The following IL16 variants were observed in gnomAD, a reference collection of about 807,000 sequenced individuals.
IL16 encodes pro-interleukin-16.
A neutral mutation model predicts 110.1 loss-of-function variants in IL16; 67 were observed. The observed-to-expected ratio is 0.61, with a 90% confidence interval of 0.50 to 0.75. The LOEUF (loss-of-function observed/expected upper bound fraction) is 0.75. Ranked by LOEUF, IL16 falls within the 30% of genes least tolerant of loss-of-function variation. The pLI is 0.00. For synonymous variants in IL16, 689 were observed against 662.9 expected (o/e 1.04, Z -0.61); for missense variants, 1,545 against 1,655.0 (o/e 0.93, Z 1.15).
intron 2 of IL16, among the ~76,000 whole-genome samples, chr15:81,240,928 C>T (rs1055569442): frequency 6.6e-6 from 1 of 152,008 alleles, no homozygotes; most frequent in Non-Finnish European, 1.5e-5. Context: ...TTCTAAACAT[C>T]TTAGAGTTTT....
intron 2 of IL16, among the ~76,000 whole-genome samples, chr15:81,243,954 G>A (rs1897443109): frequency 6.6e-6 from 1 of 152,000 alleles, no homozygotes; most frequent in African/African-American, 2.4e-5. Context: ...TTGTTTTAAT[G>A]TTGCAGTCTT....
chr15:81,241,639 T>C (rs1897340478), intron 2 of IL16, among the ~76,000 whole-genome samples: 1 of 152,138 alleles, frequency 6.6e-6, no homozygotes, highest in Non-Finnish European at 1.5e-5. Flanking sequence ...TTAAACATTT[T>C]ATTTTGCAAT....
upstream of IL16, among the ~76,000 whole-genome samples, chr15:81,193,127 G>A (rs1356837297): frequency 1.3e-5 from 2 of 152,166 alleles, no homozygotes; most frequent in Non-Finnish European, 1.5e-5. Flanking sequence ...AGACCTGCGA[G>A]ATGAACCCAG....
chr15:81,237,130 G>T (rs1336422719), intron 2 of IL16, among the ~76,000 whole-genome samples: 4 of 152,098 alleles, frequency 2.6e-5, no homozygotes, highest in Admixed American at 2.6e-4. Flanking sequence ...TCTCTGCCTG[G>T]AATATCTTCC....
Position 81,299,795 on chromosome 15 carries a change from G to A in IL16, c.2469G>A (p.Arg823=). The change falls in exon 14 of 19, where the codon AGG becomes AGA. Residue 823 remains arginine (R), a synonymous_variant. Transcript: ENST00000683961. ...CCACCCAGCCAGCACCTGCTTCCAG[G>A]GAGCACCTAGGATCACACATCCGGG... ...ALSTQPAPAS[R]EHLGSHIRAS... 1.2e-6 allele frequency: 2 copies of A among 1,613,988 alleles called. No individual in the cohort carries two copies. The highest frequency in any genetic ancestry group is 8.5e-7 in the Non-Finnish European group (1 of 1,179,966).
intron 14 of IL16, among the ~76,000 whole-genome samples, chr15:81,301,103 G>A (rs1900262771): frequency 2.6e-5 from 4 of 152,178 alleles, no homozygotes; most frequent in Admixed American, 2.6e-4. Context: ...CTGTAGGGCT[G>A]GGGCTTGGTC....
At chr15:81,192,712 T>G (rs994452139), upstream of IL16, among the ~76,000 whole-genome samples, 2 of 152,164 alleles carry the variant, frequency 1.3e-5, no homozygotes, top group African/African-American at 4.8e-5. Context: ...CCTGCTATTA[T>G]GTGAAAAATG....
intron 2 of IL16, among the ~76,000 whole-genome samples, chr15:81,249,066 G>T (rs7174055): frequency 6.6e-6 from 1 of 151,972 alleles, no homozygotes; most frequent in African/African-American, 2.4e-5. Flanking sequence ...AATTTGGCAT[G>T]TATATGAAGG....
intron 6 of IL16, among the ~76,000 whole-genome samples, chr15:81,275,271 G>A (rs79263653): frequency 6.7e-6 from 1 of 149,356 alleles, no homozygotes; most frequent in Non-Finnish European, 1.5e-5. Flanking sequence ...TTCTCTCTCC[G>A]TTCAGGGAGT....
At chr15:81,265,575 A>C in intron 3 of IL16, 84 bp from the exon 4 acceptor site, 1 of 1,474,160 alleles carries the variant, frequency 6.8e-7, no homozygotes, top group Non-Finnish European at 9.3e-7. Flanking sequence ...CCCCTGGCTA[A>C]TGAGGGGCTG....
At position 81,301,389 on chromosome 15, in the gene IL16, G is replaced by C. The variant is rs1231293866; in HGVS notation, c.3195G>C (p.Lys1065Asn). The C allele has an allele frequency of 2.5e-6, 4 of 1,613,820 alleles. No individual in the cohort carries two copies. The highest frequency in any genetic ancestry group is 3.4e-6 in the Non-Finnish European group (4 of 1,179,944). The change falls in exon 15 of 19, where the codon AAG (lysine) becomes AAC (asparagine). Residue 1065 changes from lysine (K) to asparagine (N), a missense_variant. Transcript: ENST00000683961. The part of the protein sequence containing the change: ...REYTEGLTEA[K>N]EDDDGDHSSL... ...ATACAGAGGGTCTCACGGAAGCCAA[G>C]GAAGACGATGATGGGGACCACAGTT...
intron 10 of IL16, among the ~76,000 whole-genome samples, chr15:81,287,773 G>A (rs551583036): frequency 6.6e-6 from 1 of 152,172 alleles, no homozygotes; most frequent in Non-Finnish European, 1.5e-5. Context: ...ATATATAATG[G>A]TGTGGTGGAA....
intron 2 of IL16, among the ~76,000 whole-genome samples, chr15:81,257,177 T>G (rs1272534014): frequency 6.6e-6 from 1 of 152,246 alleles, no homozygotes; most frequent in Admixed American, 6.5e-5. Context: ...CACCATCTGC[T>G]GCTGAAAAGG....
At chr15:81,199,025 A>AT in intron 1 of IL16, among the ~76,000 whole-genome samples, 1 of 93,788 alleles carries the variant, frequency 1.1e-5, no homozygotes, top group Non-Finnish European at 1.9e-5. Flanking sequence ...ATCTCAAAAA[A>AT]AAAAAATATA....
chr15:81,210,631 TTTGACAC>T (rs1298448484), intron 1 of IL16, among the ~76,000 whole-genome samples: 1 of 152,224 alleles, frequency 6.6e-6, no homozygotes, highest in African/African-American at 2.4e-5. Flanking sequence ...GTGTTCTTGA[TTTGACAC>T]TCAGCCTGGA....
chr15:81,299,895 A>C lies in IL16; in HGVS notation c.2569A>C (p.Lys857Gln). The C allele has an allele frequency of 6.2e-7, 1 of 1,613,586 alleles. No homozygotes were observed. ...CTTTGGCTCCTCTCAACTGCCTGAC[A>C]AAGGAGCCCAGAGACTGAGCCTCCA... ...ETFGSSQLPD[K>Q]GAQRLSLQPS... The change falls in exon 14 of 19, where the codon AAA (lysine) becomes CAA (glutamine). Residue 857 changes from lysine (K) to glutamine (Q), a missense_variant. Physicochemically the swap from Lys to Gln is moderately conservative, Grantham distance 53. Coordinates refer to ENST00000683961, the MANE Select transcript of IL16 (RefSeq NM_172217.5).
At chr15:81,189,054 A>T (rs2141916532) in intron 1 of IL16, among the ~76,000 whole-genome samples, 1 of 152,038 alleles carries the variant, frequency 6.6e-6, no homozygotes, top group Non-Finnish European at 1.5e-5. Flanking sequence ...CCTGGGCTTA[A>T]GCAATCCTCC....
At chr15:81,210,214 C>A (rs1896186369) in intron 1 of IL16, among the ~76,000 whole-genome samples, 1 of 152,098 alleles carries the variant, frequency 6.6e-6, no homozygotes, top group South Asian at 2.1e-4. Flanking sequence ...TATTTCGTTT[C>A]ATTGGTCTGT....
chr15:81,257,600 A>G (rs1897994149), intron 2 of IL16, among the ~76,000 whole-genome samples: 1 of 152,188 alleles, frequency 6.6e-6, no homozygotes, highest in African/African-American at 2.4e-5. Flanking sequence ...CTCAATACCT[A>G]CTAGCTCACA....
Sources: allele counts gnomAD v4.1 joint callset (sites outside exome capture counted in the v4.1 genomes callset), GRCh38; gene constraint gnomAD v4.1.1; transcripts MANE v1.5; gene names NCBI Gene and HGNC (gene_info 2026-07-23, HGNC 2026-07-21).